The following RUNX1 variants were observed in gnomAD, a reference collection of about 807,000 sequenced individuals.
RUNX1 encodes the protein RUNX family transcription factor 1, also known as runt-related transcription factor 1.
Under a neutral mutation model 42.8 loss-of-function variants are expected in RUNX1, and 19 were observed. The observed-to-expected ratio is 0.44, with a 90% CI of 0.31 to 0.65. The LOEUF (loss-of-function observed/expected upper bound fraction) is 0.65. RUNX1 is among the 30% of genes least tolerant of loss of function. The pLI, the probability that RUNX1 is intolerant of heterozygous loss-of-function variation, is 0.07. For synonymous variants in RUNX1, 271 were observed against 289.4 expected, an observed-to-expected ratio of 0.94 and a Z score of 0.64; for missense variants, 528 against 672.0, an observed-to-expected ratio of 0.79 and a Z score of 2.37.
chr21:35,040,988 A>C (rs1210642765), intron 2 of RUNX1, among the ~76,000 whole-genome samples: 1 of 152,168 alleles, frequency 6.6e-6, no homozygotes, highest in Non-Finnish European at 1.5e-5. Context: ...ACATTTTCAG[A>C]AGCACATGAG....
intron 2 of RUNX1, among the ~76,000 whole-genome samples, chr21:35,033,666 G>T (rs2059288298): frequency 6.6e-6 from 1 of 152,154 alleles, no homozygotes. Flanking sequence ...TCCCAGAGAG[G>T]ATTTGAAAAT....
At chr21:34,992,595 G>C (rs770940987) in intron 2 of RUNX1, among the ~76,000 whole-genome samples, 1 of 148,874 alleles carries the variant, frequency 6.7e-6, no homozygotes, top group Non-Finnish European at 1.5e-5. Flanking sequence ...TGATTTCAGA[G>C]AGTGATAAGA....
intron 2 of RUNX1, among the ~76,000 whole-genome samples, chr21:34,990,448 C>A (rs1297876719): frequency 6.6e-6 from 1 of 152,064 alleles, no homozygotes; most frequent in Non-Finnish European, 1.5e-5. Context: ...AGTGATGGAT[C>A]TTTGCCATAG....
chr21:34,841,323 A>AG (rs752190516), intron 6 of RUNX1, among the ~76,000 whole-genome samples: 2 of 152,080 alleles, frequency 1.3e-5, no homozygotes, highest in African/African-American at 2.4e-5. Flanking sequence ...CGATTTCTAG[A>AG]GGGGTGATGC....
intron 2 of RUNX1, among the ~76,000 whole-genome samples, chr21:35,026,950 G>C (rs1286840837): frequency 6.6e-6 from 1 of 152,240 alleles, no homozygotes; most frequent in Non-Finnish European, 1.5e-5. Context: ...TTTAACTGCC[G>C]GTTTATTTTT....
intron 7 of RUNX1, chr21:34,829,722 C>G (rs2057036765): frequency 6.6e-6 from 1 of 152,148 alleles, no homozygotes; most frequent in African/African-American, 2.4e-5. Flanking sequence ...ATTGTAGCCT[C>G]CACTTTCAAG....
intron 2 of RUNX1, among the ~76,000 whole-genome samples, chr21:34,979,338 T>TG (rs1406267947): frequency 5.9e-5 from 9 of 152,236 alleles, no homozygotes; most frequent in African/African-American, 1.9e-4. Context: ...TGCTTTTTTT[T>TG]TTTGTTTGCA....
intron 7 of RUNX1, among the ~76,000 whole-genome samples, chr21:34,808,524 C>G (rs1384745506): frequency 6.6e-6 from 1 of 152,198 alleles, no homozygotes; most frequent in Non-Finnish European, 1.5e-5. Context: ...AGGCCGCCCC[C>G]AACCCTGCTG....
intron 7 of RUNX1, among the ~76,000 whole-genome samples, chr21:34,816,548 T>TG (rs2056829929): frequency 1.3e-5 from 2 of 152,028 alleles, no homozygotes; most frequent in Non-Finnish European, 2.9e-5. Context: ...AGGCAATGTG[T>TG]GGGGAAATGC....
At chr21:34,796,767 G>A (rs960341205) in intron 8 of RUNX1, among the ~76,000 whole-genome samples, 1 of 152,114 alleles carries the variant, frequency 6.6e-6, no homozygotes, top group Non-Finnish European at 1.5e-5. Context: ...CATGCTGTCT[G>A]TCGCCCAGGT....
chr21:35,021,514 T>C (rs573741827), intron 2 of RUNX1, among the ~76,000 whole-genome samples: 265 of 152,306 alleles, frequency 1.7e-3, no homozygotes, highest in African/African-American at 5.9e-3. Flanking sequence ...ACACATAATA[T>C]ATAAATACAC....
chr21:34,946,655 G>A (rs2058565279), intron 2 of RUNX1, among the ~76,000 whole-genome samples: 2 of 152,152 alleles, frequency 1.3e-5, no homozygotes, highest in African/African-American at 2.4e-5. Context: ...GGCTGCTGGG[G>A]GCAGAGCTTT....
chr21:34,819,636 C>G (rs1056951082), intron 7 of RUNX1, among the ~76,000 whole-genome samples: 3 of 152,256 alleles, frequency 2.0e-5, no homozygotes, highest in Non-Finnish European at 4.4e-5. Flanking sequence ...GTGGCCGTCA[C>G]AGGGATGCCT....
chr21:34,834,237 C>T (rs1445611063), intron 7 of RUNX1, 173 bp downstream of exon 7: 2 of 738,438 alleles, frequency 2.7e-6, no homozygotes, highest in African/African-American at 1.7e-5. Context: ...TGGGTGGGGC[C>T]CAAGACTCTG....
At chr21:34,802,618 A>T (rs943495747) in intron 7 of RUNX1, among the ~76,000 whole-genome samples, 1 of 152,198 alleles carries the variant, frequency 6.6e-6, no homozygotes, top group Non-Finnish European at 1.5e-5. Context: ...TACAGCTACT[A>T]GGGTGCCCAA....
intron 7 of RUNX1, among the ~76,000 whole-genome samples, chr21:34,817,745 T>C (rs1225731464): frequency 6.6e-6 from 1 of 152,152 alleles, no homozygotes; most frequent in Non-Finnish European, 1.5e-5. Context: ...ACTCCTACAC[T>C]ATGGGCCTCC....
At chr21:34,879,680 T>C (rs1199517671) in intron 5 of RUNX1, among the ~76,000 whole-genome samples, 2 of 152,104 alleles carry the variant, frequency 1.3e-5, no homozygotes, top group African/African-American at 4.8e-5. Flanking sequence ...AAAAAATGAG[T>C]TTAAAAAACT....
rs1455681884 is a variant in RUNX1 at position 34,843,614 on chromosome 21, C to G, written c.614-9013G>C. 6.6e-6 allele frequency among the ~76,000 whole-genome samples: 1 copy of G among 152,158 alleles called. No individual in the cohort carries two copies. Among genetic ancestry groups the G allele is most frequent in the Non-Finnish European group, 1.5e-5 (1 of 68,036 alleles). On this transcript the variant is annotated intron_variant, in intron 6 of 8. Transcript: ENST00000675419. The surrounding 1 kb of genome is among the most constrained non-coding windows in gnomAD (Gnocchi z 4.8). ...AATGGACAGGAAAGGCTGGCCAACG[C>G]CAAGGCAAGATCAACAACCAATACA... is the stretch of plus-strand genomic sequence containing the variant.
At chr21:34,910,232 C>T (rs1293638217) in intron 2 of RUNX1, among the ~76,000 whole-genome samples, 4 of 152,216 alleles carry the variant, frequency 2.6e-5, no homozygotes, top group Non-Finnish European at 5.9e-5. Flanking sequence ...GGCTCCCAGT[C>T]TCTGGCAAGC....
Sources: allele counts gnomAD v4.1 joint callset (sites outside exome capture counted in the v4.1 genomes callset), GRCh38; gene constraint gnomAD v4.1.1; non-coding constraint Gnocchi (gnomAD v3.1); transcripts MANE v1.5; gene names NCBI Gene and HGNC (gene_info 2026-07-23, HGNC 2026-07-21).